PTPRD: variants seen among roughly 807,000 people sequenced by gnomAD.
The protein encoded by PTPRD is protein tyrosine phosphatase receptor type D, also known as receptor-type tyrosine-protein phosphatase delta.
PTPRD carries 34 observed loss-of-function variants against 214.5 expected under a neutral mutation model. The observed-to-expected ratio is 0.16, with a 90% CI of 0.12 to 0.21. The LOEUF (loss-of-function observed/expected upper bound fraction) is 0.21. PTPRD is among the 10% of genes least tolerant of loss of function. The pLI is 1.00. For missense variants in PTPRD, 2,545 were observed against 2,398.7 expected (o/e 1.06, Z -1.27); for synonymous variants, 1,128 against 845.7 (o/e 1.33, Z -5.79).
At chr9:9,952,993 C>T (rs1254729927) in intron 4 of PTPRD, among the ~76,000 whole-genome samples, 1 of 152,012 alleles carries the variant, frequency 6.6e-6, no homozygotes, top group African/African-American at 2.4e-5. Context: ...ATTGTGGAAG[C>T]CAGAAAAAAT....
intron 8 of PTPRD, among the ~76,000 whole-genome samples, chr9:9,451,156 G>C (rs767934078): frequency 6.6e-6 from 1 of 151,712 alleles, no homozygotes; most frequent in East Asian, 1.9e-4. Flanking sequence ...TTGAGCATCT[G>C]TTTATATAAG....
At chr9:10,216,668 C>A (rs1033775208) in intron 3 of PTPRD, among the ~76,000 whole-genome samples, 6 of 151,956 alleles carry the variant, frequency 3.9e-5, no homozygotes, top group Non-Finnish European at 5.9e-5. Context: ...ATTCTAACAC[C>A]TAACTTACCT....
Position 9,195,111 on chromosome 9 carries a change from C to CACACAA in PTPRD, c.-202-11749_-202-11748insTTGTGT, listed in dbSNP as rs1554959830. On this transcript the variant is annotated intron_variant, in intron 9 of 45. Transcript: ENST00000381196. ...GTATATATATATATATATATATACACACACACACATATACATACATACCCA... is the reference window on the plus strand; with the variant it reads ...GTATATATATATATATATATATACACACACAAACACACACATATACATACATACCCA... Among the ~76,000 whole-genome samples the CACACAA allele has an allele frequency of 1.4e-4, 15 of 104,704 alleles. No individual in the cohort carries two copies. The Admixed American group carries it at 1.4e-3, about 10-fold the overall frequency. 68.7% of individuals were successfully genotyped at this position (104,704 alleles called of 152,430 possible).
At chr9:9,351,177 T>C (rs2050970198) in intron 9 of PTPRD, among the ~76,000 whole-genome samples, 1 of 151,950 alleles carries the variant, frequency 6.6e-6, no homozygotes, top group South Asian at 2.1e-4. Context: ...AGAAACCAAA[T>C]GTACAGATTT....
intron 5 of PTPRD, among the ~76,000 whole-genome samples, chr9:9,933,354 A>G (rs1289949905): frequency 7.9e-5 from 12 of 151,904 alleles, no homozygotes; most frequent in African/African-American, 2.9e-4. Flanking sequence ...AGAGACACAC[A>G]CAGGCTCAAA....
rs118078314 is a variant in PTPRD at position 9,642,918 on chromosome 9, A to G, written c.-286-68137T>C. Among the ~76,000 whole-genome samples the G allele has an allele frequency of 1.1e-4, 16 of 152,322 alleles. 1 individual carries two copies. In the East Asian group the frequency reaches 2.7e-3, roughly 26 times the overall value. ...AGAGCTGTGATTTGTACCTAGTGCA[A>G]AATCTAAGTGTCAAACTTCAAAGTT... is the stretch of plus-strand genomic sequence containing the variant. On this transcript the variant is annotated intron_variant, in intron 7 of 45. Coordinates refer to ENST00000381196, the MANE Select transcript of PTPRD (RefSeq NM_002839.4).
intron 9 of PTPRD, among the ~76,000 whole-genome samples, chr9:9,349,665 T>C (rs950249706): frequency 1.3e-5 from 2 of 152,082 alleles, no homozygotes; most frequent in East Asian, 3.9e-4. Context: ...TCCTTAATTT[T>C]CTCACACTCA....
At chr9:8,421,963 C>G (rs181169372) in intron 35 of PTPRD, among the ~76,000 whole-genome samples, 1 of 151,450 alleles carries the variant, frequency 6.6e-6, no homozygotes, top group East Asian at 2.0e-4. Context: ...ACCTGTGCAA[C>G]ATGGCGAAAC....
intron 5 of PTPRD, among the ~76,000 whole-genome samples, chr9:9,866,866 T>C (rs1370746773): frequency 6.6e-6 from 1 of 152,146 alleles, no homozygotes; most frequent in African/African-American, 2.4e-5. Flanking sequence ...GAAAATAGTG[T>C]TTCAAATGTA....
chr9:8,835,237 T>A (rs1278629410), intron 11 of PTPRD, among the ~76,000 whole-genome samples: 8 of 152,184 alleles, frequency 5.3e-5, no homozygotes, highest in African/African-American at 1.9e-4. Flanking sequence ...AGACCAAAGA[T>A]CACAGATGGA....
At chr9:10,138,409 AC>A (rs1429309555) in intron 3 of PTPRD, among the ~76,000 whole-genome samples, 1 of 151,898 alleles carries the variant, frequency 6.6e-6, no homozygotes, top group African/African-American at 2.4e-5. Flanking sequence ...TCTAGCAACA[AC>A]AAAACAAAAC....
At chr9:8,460,315 A>C (rs759590238) in intron 33 of PTPRD, 96 bp downstream of exon 33, 1 of 1,401,030 alleles carries the variant, frequency 7.1e-7, no homozygotes, top group Non-Finnish European at 1.0e-6. Flanking sequence ...AAGTATTTCT[A>C]CTAAAATCAA....
chr9:8,637,661 C>T (rs2096475241), intron 12 of PTPRD, among the ~76,000 whole-genome samples: 1 of 151,968 alleles, frequency 6.6e-6, no homozygotes, highest in African/African-American at 2.4e-5. Flanking sequence ...AGCTATCATA[C>T]AAGAATGATA....
intron 14 of PTPRD, among the ~76,000 whole-genome samples, chr9:8,594,325 A>T (rs1283013724): frequency 1.3e-5 from 2 of 152,234 alleles, no homozygotes; most frequent in Non-Finnish European, 2.9e-5. Context: ...AAACTTACAA[A>T]GAAATTTCAA....
At chr9:10,383,942 G>A (rs1263103286) in intron 2 of PTPRD, among the ~76,000 whole-genome samples, 1 of 151,468 alleles carries the variant, frequency 6.6e-6, no homozygotes, top group Non-Finnish European at 1.5e-5. Context: ...ATCTACCAAG[G>A]AGTTTTGAAA....
At chr9:9,353,910 T>C (rs2052540700) in intron 9 of PTPRD, among the ~76,000 whole-genome samples, 2 of 151,716 alleles carry the variant, frequency 1.3e-5, no homozygotes, top group Non-Finnish European at 2.9e-5. Flanking sequence ...ATCTAGAAGC[T>C]CTGAGGAAGC....
chr9:8,919,897 C>CATGCATGTATGCATAAGTGG (rs1164403372), intron 11 of PTPRD, among the ~76,000 whole-genome samples: 1 of 151,744 alleles, frequency 6.6e-6, no homozygotes, highest in Non-Finnish European at 1.5e-5. Flanking sequence ...CATAGATGTA[C>CATGCATGTATGCATAAGTGG]ATGCATGTAT....
intron 11 of PTPRD, among the ~76,000 whole-genome samples, chr9:8,776,409 C>A (rs1599435662): frequency 6.6e-6 from 1 of 152,234 alleles, no homozygotes; most frequent in East Asian, 1.9e-4. Flanking sequence ...GTCAGGTGAT[C>A]CTGATACTTA....
chr9:8,863,209 T>C (rs1302489119), intron 11 of PTPRD, among the ~76,000 whole-genome samples: 1 of 152,166 alleles, frequency 6.6e-6, no homozygotes, highest in Non-Finnish European at 1.5e-5. Context: ...TGCTATTTGC[T>C]ACTGGCTCTG....
Sources: gnomAD v4.1 joint callset for allele counts (sites outside exome capture counted in the v4.1 genomes callset) on GRCh38, gnomAD v4.1.1 for gene constraint, MANE v1.5 for transcripts, NCBI Gene and HGNC (gene_info 2026-07-23, HGNC 2026-07-21) for gene names.